CNOT10: variants seen among roughly 807,000 people sequenced by gnomAD.
CNOT10 encodes CCR4-NOT transcription complex, subunit 10.
CNOT10 carries 30 observed loss-of-function variants against 94.6 expected under a neutral mutation model. That is an observed-to-expected ratio of 0.32 (90% CI 0.24 to 0.43). The LOEUF (loss-of-function observed/expected upper bound fraction) is 0.43. CNOT10 is among the 20% of genes least tolerant of loss of function. The probability of loss-of-function intolerance (pLI) is 1.00; values close to 1 mark genes in which losing one functional copy is unlikely to be tolerated. For synonymous variants in CNOT10, 289 were observed against 301.6 expected, an observed-to-expected ratio of 0.96 and a Z score of 0.43; for missense variants, 759 against 877.2, an observed-to-expected ratio of 0.87 and a Z score of 1.70.
intron 13 of CNOT10, among the ~76,000 whole-genome samples, chr3:32,745,130 T>C (rs1699636926): frequency 6.6e-6 from 1 of 152,098 alleles, no homozygotes; most frequent in Non-Finnish European, 1.5e-5. Context: ...CCGCCCATCT[T>C]GGCCTCCCAA....
chr3:32,746,431 A>G (rs1018055347), intron 13 of CNOT10, among the ~76,000 whole-genome samples: 4 of 152,220 alleles, frequency 2.6e-5, no homozygotes, highest in South Asian at 2.1e-4. Flanking sequence ...TTGTTTTCCT[A>G]CAACTAGATG....
At chr3:32,728,707 G>C (rs1698795918) in intron 10 of CNOT10, among the ~76,000 whole-genome samples, 1 of 152,202 alleles carries the variant, frequency 6.6e-6, no homozygotes, top group Non-Finnish European at 1.5e-5. Flanking sequence ...AAGCCAGTGA[G>C]AAAGTCATGT....
At chr3:32,742,277 T>C (rs1699505652) in intron 13 of CNOT10, among the ~76,000 whole-genome samples, 3 of 152,096 alleles carry the variant, frequency 2.0e-5, no homozygotes, top group Admixed American at 2.0e-4. Flanking sequence ...CTCATTCTAA[T>C]AGGGAAGTAA....
intron 8 of CNOT10, among the ~76,000 whole-genome samples, chr3:32,721,598 G>T (rs1312177714): frequency 1.3e-5 from 2 of 149,128 alleles, no homozygotes; most frequent in Non-Finnish European, 3.0e-5. Flanking sequence ...TCATTACCTA[G>T]ATCAAAAATC....
intron 13 of CNOT10, among the ~76,000 whole-genome samples, chr3:32,756,473 C>T (rs1700229215): frequency 6.6e-6 from 1 of 152,084 alleles, no homozygotes; most frequent in South Asian, 2.1e-4. Context: ...GCAGTAATAG[C>T]CCACCTACTG....
intron 1 of CNOT10, among the ~76,000 whole-genome samples, chr3:32,691,679 C>T (rs1048239343): frequency 2.6e-5 from 4 of 152,260 alleles, no homozygotes; most frequent in East Asian, 3.9e-4. Context: ...TTTCAACATG[C>T]GTTTCTTAAA....
chr3:32,702,443 T>G (rs1428026765), intron 1 of CNOT10, among the ~76,000 whole-genome samples: 2 of 152,010 alleles, frequency 1.3e-5, no homozygotes, highest in African/African-American at 4.8e-5. Context: ...ATTATAGAGG[T>G]AGGAGGTAGT....
At chr3:32,705,065 T>C (rs1377468637) in intron 3 of CNOT10, 93 bp downstream of exon 3, 1 of 841,896 alleles carries the variant, frequency 1.2e-6, no homozygotes, top group African/African-American at 1.8e-5. Flanking sequence ...GTGATTTGTC[T>C]GGTATTTCTT....
intron 10 of CNOT10, among the ~76,000 whole-genome samples, chr3:32,732,782 A>C: frequency 6.6e-6 from 1 of 152,170 alleles, no homozygotes; most frequent in East Asian, 1.9e-4. Flanking sequence ...TAATCAAATT[A>C]TCACTGTGAG....
chr3:32,753,468 GA>G, intron 13 of CNOT10: 1 of 1,556,418 alleles, frequency 6.4e-7, no homozygotes, highest in Non-Finnish European at 8.9e-7. Flanking sequence ...ATTACAATTT[GA>G]AACTGGAACT....
chr3:32,739,468 C>T (rs1699352201), intron 13 of CNOT10, among the ~76,000 whole-genome samples: 1 of 152,138 alleles, frequency 6.6e-6, no homozygotes, highest in Non-Finnish European at 1.5e-5. Context: ...CCTGCTGTGA[C>T]TTCCTTCCAC....
chr3:32,727,703 C>G lies in CNOT10; in HGVS notation c.1048C>G (p.Leu350Val), dbSNP rs1027647550. 8.1e-6 allele frequency: 13 copies of G among 1,613,810 alleles called. No individual in the cohort carries two copies. Among genetic ancestry groups the G allele is most frequent in the Non-Finnish European group, 1.1e-5 (13 of 1,179,888 alleles). ...KFSGRPMCTL[L>V]TNKRYELLYN... ...TTCAGGAAGACCCATGTGTACGTTACTAACCAATAAGAGATATGAGTTGCT... is the reference window on the plus strand; with the variant it reads ...TTCAGGAAGACCCATGTGTACGTTAGTAACCAATAAGAGATATGAGTTGCT... The change falls in exon 10 of 19, where the codon CTA (leucine) becomes GTA (valine). Residue 350 changes from leucine to valine, a missense_variant. This residue lies in a region of CNOT10 where 682 missense variants were observed against 799.4 expected (regional missense o/e 0.85). Transcript: ENST00000328834.
intron 8 of CNOT10, among the ~76,000 whole-genome samples, chr3:32,721,923 A>T (rs1698436084): frequency 6.6e-6 from 1 of 151,976 alleles, no homozygotes. Context: ...AAGTGCTGGG[A>T]TTACAGGCGT....
chr3:32,712,873 C>T (rs1697952884), intron 4 of CNOT10, among the ~76,000 whole-genome samples: 1 of 152,112 alleles, frequency 6.6e-6, no homozygotes, highest in Non-Finnish European at 1.5e-5. Context: ...TGGAGGATTA[C>T]AAATTTCAGA....
chr3:32,698,552 G>T (rs1697184909), intron 1 of CNOT10, among the ~76,000 whole-genome samples: 1 of 152,056 alleles, frequency 6.6e-6, no homozygotes, highest in African/African-American at 2.4e-5. Context: ...ATAAGTACAA[G>T]AATTTTTAGT....
chr3:32,768,617 G>A (rs754455880), intron 17 of CNOT10, among the ~76,000 whole-genome samples: 24 of 151,928 alleles, frequency 1.6e-4, no homozygotes, highest in Non-Finnish European at 1.5e-5. Flanking sequence ...GTATAAAGAC[G>A]ATCTTGCCTA....
intron 2 of CNOT10, 27 bp downstream of exon 2, chr3:32,703,989 T>C (rs763213881): frequency 7.0e-7 from 1 of 1,436,090 alleles, no homozygotes; most frequent in Non-Finnish European, 9.8e-7. Flanking sequence ...CTTAGTCTGC[T>C]CAAGTTGTAG....
Position 32,713,247 on chromosome 3 carries a change from G to A in CNOT10, c.451G>A (p.Val151Met), listed in dbSNP as rs1236971420. 3 of 1,575,844 alleles carry A rather than the reference G, an allele frequency of 1.9e-6. No individual in the cohort carries two copies. Among genetic ancestry groups the A allele is most frequent in the African/African-American group, 2.8e-5 (2 of 72,204 alleles). ...EPFEEKFAQAVCFLLVDLYIL... is the reference protein window; with the variant it reads ...EPFEEKFAQAMCFLLVDLYIL... ...CCCAGAAGAAAAATTTGCCCAAGCAGTGTGTTTTTTGCTTGTAGACCTGTA... is the reference window on the plus strand; with the variant it reads ...CCCAGAAGAAAAATTTGCCCAAGCAATGTGTTTTTTGCTTGTAGACCTGTA... Residue 151 changes from valine to methionine, a missense_variant, in exon 5 of 19, where the codon GTG becomes ATG. Coordinates refer to ENST00000328834, the MANE Select transcript of CNOT10 (RefSeq NM_015442.3).
At chr3:32,746,085 T>C (rs568148874) in intron 13 of CNOT10, among the ~76,000 whole-genome samples, 1 of 152,366 alleles carries the variant, frequency 6.6e-6, no homozygotes, top group African/African-American at 2.4e-5. Context: ...GTATCTACTG[T>C]GTGATTCCAT....
Sources: gnomAD v4.1 joint callset for allele counts (sites outside exome capture counted in the v4.1 genomes callset) on GRCh38, gnomAD v4.1.1 for gene constraint, gnomAD v4.1.1 regional missense constraint, MANE v1.5 for transcripts, NCBI Gene and HGNC (gene_info 2026-07-23, HGNC 2026-07-21) for gene names.